The following ASIC2 variants were observed in gnomAD, a reference collection of about 807,000 sequenced individuals.
ASIC2 encodes the protein acid-sensing ion channel 2.
ASIC2 carries 25 observed loss-of-function variants against 57.3 expected under a neutral mutation model. The observed-to-expected ratio is 0.44, with a 90% CI of 0.32 to 0.61. The LOEUF is 0.61. ASIC2 is among the 20% of genes least tolerant of loss of function. The pLI is 0.06. For missense variants in ASIC2, 641 were observed against 738.1 expected (o/e 0.87, Z 1.52); for synonymous variants, 319 against 307.5 (o/e 1.04, Z -0.39).
chr17:33,769,421 C>T (rs1911030448), intron 1 of ASIC2, among the ~76,000 whole-genome samples: 1 of 152,136 alleles, frequency 6.6e-6, no homozygotes, highest in Non-Finnish European at 1.5e-5. Flanking sequence ...CACAGCAGGC[C>T]AAGTAGACGG....
chr17:33,120,991 G>A (rs952865488), intron 1 of ASIC2, among the ~76,000 whole-genome samples: 8 of 152,166 alleles, frequency 5.3e-5, no homozygotes, highest in African/African-American at 1.2e-4. Context: ...GTTCTTGAAC[G>A]TGCATCTCAG....
intron 2 of ASIC2, among the ~76,000 whole-genome samples, chr17:33,104,538 T>C (rs115904146): frequency 0.02 from 2,990 of 152,346 alleles, 94 homozygotes; most frequent in African/African-American, 0.069. Context: ...AACGGGGGTT[T>C]CCATCTCCAG....
intron 1 of ASIC2, among the ~76,000 whole-genome samples, chr17:33,565,290 T>G (rs1916199135): frequency 6.6e-6 from 1 of 152,128 alleles, no homozygotes; most frequent in Non-Finnish European, 1.5e-5. Flanking sequence ...CTTCTTTGGG[T>G]TTTCAGACAG....
At chr17:33,713,474 T>C (rs1477971879) in intron 1 of ASIC2, among the ~76,000 whole-genome samples, 5 of 152,220 alleles carry the variant, frequency 3.3e-5, no homozygotes, top group African/African-American at 4.8e-5. Context: ...TGTGGTATTC[T>C]CTCTGTACGT....
At chr17:34,007,619 A>T (rs1022681756) in intron 1 of ASIC2, among the ~76,000 whole-genome samples, 14 of 152,226 alleles carry the variant, frequency 9.2e-5, no homozygotes, top group Non-Finnish European at 1.8e-4. Context: ...TGCATGGCAG[A>T]GCCAGAATGA....
chr17:33,443,558 C>T lies in ASIC2; in HGVS notation c.556-331491G>A, dbSNP rs554496389. Among the ~76,000 whole-genome samples the T allele has an allele frequency of 1.2e-3, 168 of 139,280 alleles. 4 individuals carry two copies. In the South Asian group the frequency reaches 0.038, roughly 32 times the overall value. The allele number at this position is 139,280 out of a possible 152,430, so 91.4% of individuals were successfully genotyped here. A position where few individuals can be genotyped will look rare whatever the true frequency, so the allele number is the denominator to read the frequency against. On this transcript the variant is annotated intron_variant, in intron 1 of 9. Transcript: ENST00000359872. ...CCTCCCAAGTAGCTGGGACTACAGGCGCCCGCCACTACGCCCGGCTAATTT... is the reference window on the plus strand; with the variant it reads ...CCTCCCAAGTAGCTGGGACTACAGGTGCCCGCCACTACGCCCGGCTAATTT...
intron 1 of ASIC2, among the ~76,000 whole-genome samples, chr17:33,781,522 G>A (rs1468986381): frequency 6.6e-6 from 1 of 152,152 alleles, no homozygotes; most frequent in Non-Finnish European, 1.5e-5. Context: ...CACCAAAAGT[G>A]GATCCTTGCC....
chr17:33,799,857 C>T (rs1226147193), intron 1 of ASIC2, among the ~76,000 whole-genome samples: 2 of 152,128 alleles, frequency 1.3e-5, no homozygotes, highest in African/African-American at 4.8e-5. Context: ...GGGCAGTATA[C>T]AACCTGCACG....
At chr17:33,152,580 A>G (rs1177024987) in intron 1 of ASIC2, among the ~76,000 whole-genome samples, 1 of 152,206 alleles carries the variant, frequency 6.6e-6, no homozygotes, top group African/African-American at 2.4e-5. Flanking sequence ...AGGTGTGCAC[A>G]GGGAGGTGGG....
chr17:33,980,955 T>TTTTTTTTTTTTTTTTTTTTTTTTTTA (rs1905597087), intron 1 of ASIC2: 2 of 149,316 alleles, frequency 1.3e-5, no homozygotes, highest in South Asian at 4.3e-4. Flanking sequence ...TTTTTTTTTT[T>TTTTTTTTTTTTTTTTTTTTTTTTTTA]AGACAGAATC....
chr17:33,812,509 G>T (rs1250990843), intron 1 of ASIC2, among the ~76,000 whole-genome samples: 1 of 152,102 alleles, frequency 6.6e-6, no homozygotes, highest in Non-Finnish European at 1.5e-5. Context: ...TTCCAGGGTG[G>T]GGAGGATTAC....
At chr17:33,726,355 A>G (rs2142087398) in intron 1 of ASIC2, among the ~76,000 whole-genome samples, 1 of 152,354 alleles carries the variant, frequency 6.6e-6, no homozygotes, top group African/African-American at 2.4e-5. Flanking sequence ...GAACCCAGTC[A>G]GCTCATAGAA....
intron 1 of ASIC2, among the ~76,000 whole-genome samples, chr17:34,096,701 A>G (rs2142093932): frequency 6.6e-6 from 1 of 151,912 alleles, no homozygotes; most frequent in East Asian, 1.9e-4. Context: ...AAAAAAATAC[A>G]AAGAAGTTAG....
chr17:33,706,367 G>A (rs1267858059), intron 1 of ASIC2, among the ~76,000 whole-genome samples: 1 of 151,704 alleles, frequency 6.6e-6, no homozygotes, highest in East Asian at 1.9e-4. Context: ...CTGCAGGTAT[G>A]TGCCACCATG....
intron 1 of ASIC2, among the ~76,000 whole-genome samples, chr17:33,941,264 G>A (rs1437003405): frequency 6.6e-6 from 1 of 152,198 alleles, no homozygotes; most frequent in Admixed American, 6.5e-5. Context: ...ACAGACAGGA[G>A]AGTCTTTCAG....
chr17:33,889,937 C>T (rs1333521183), intron 1 of ASIC2, among the ~76,000 whole-genome samples: 1 of 152,120 alleles, frequency 6.6e-6, no homozygotes, highest in Non-Finnish European at 1.5e-5. Context: ...CGTTATGTTC[C>T]AAGATAAGCA....
intron 1 of ASIC2, among the ~76,000 whole-genome samples, chr17:34,078,697 C>T (rs1454727729): frequency 6.6e-6 from 1 of 152,150 alleles, no homozygotes; most frequent in Admixed American, 6.5e-5. Context: ...GTGTTTCTCA[C>T]CCGTAAGTGC....
chr17:34,114,174 C>T (rs970720701), intron 1 of ASIC2, among the ~76,000 whole-genome samples: 4 of 152,190 alleles, frequency 2.6e-5, no homozygotes, highest in African/African-American at 9.7e-5. Flanking sequence ...ATTGGCAGTG[C>T]AGTTGTCCAA....
intron 3 of ASIC2, among the ~76,000 whole-genome samples, chr17:33,036,057 C>T (rs139307834): frequency 1.0e-3 from 153 of 152,286 alleles, no homozygotes; most frequent in African/African-American, 2.6e-3. Flanking sequence ...GGTCTCTCTC[C>T]GGTGCTGTCA....
Sources: allele counts gnomAD v4.1 joint callset (sites outside exome capture counted in the v4.1 genomes callset), GRCh38; gene constraint gnomAD v4.1.1; transcripts MANE v1.5; gene names NCBI Gene and HGNC (gene_info 2026-07-23, HGNC 2026-07-21).